The following MLLT3 variants were observed in gnomAD, a reference collection of about 807,000 sequenced individuals.
The protein encoded by MLLT3 is MLLT3 super elongation complex subunit.
MLLT3 carries 4 observed loss-of-function variants against 53.2 expected under a neutral mutation model. The ratio of observed to expected loss-of-function variants is 0.08; its 90% CI spans 0.04 to 0.17. MLLT3 has a LOEUF of 0.17. Ranked by LOEUF, MLLT3 falls within the 10% of genes least tolerant of loss-of-function variation. MLLT3 has a pLI of 1.00. For synonymous variants in MLLT3, 283 were observed against 230.6 expected, an observed-to-expected ratio of 1.23 and a Z score of -2.06; for missense variants, 569 against 684.0, an observed-to-expected ratio of 0.83 and a Z score of 1.87.
At chr9:20,569,642 C>A (rs1819477443) in intron 2 of MLLT3, among the ~76,000 whole-genome samples, 1 of 152,148 alleles carries the variant, frequency 6.6e-6, no homozygotes, top group Non-Finnish European at 1.5e-5. Context: ...CAAACAAGCA[C>A]TAGGGAAAAC....
In MLLT3 at chr9:20,562,393, A is replaced by G. The variant is rs780098927; in HGVS notation, c.193+58261T>C. Reference sequence around the variant, plus strand: ...AAAAAAAAAAGTTTAGAAATAATTTACACTTCTAGCTTTGCACCTCAAAAG... The same window carrying G: ...AAAAAAAAAAGTTTAGAAATAATTTGCACTTCTAGCTTTGCACCTCAAAAG... On this transcript the variant is annotated intron_variant, in intron 2 of 10. Transcript: ENST00000380338. 2.1e-4 allele frequency among the ~76,000 whole-genome samples: 32 copies of G among 152,276 alleles called. No homozygotes were observed. The Middle Eastern group carries it at 0.017, about 81-fold the overall frequency.
At chr9:20,432,330 T>C (rs1823292137) in intron 4 of MLLT3, among the ~76,000 whole-genome samples, 1 of 152,220 alleles carries the variant, frequency 6.6e-6, no homozygotes, top group South Asian at 2.1e-4. Flanking sequence ...ATAGTTCTAC[T>C]GACAGGAGTT....
At chr9:20,563,837 A>C (rs1819281615) in intron 2 of MLLT3, among the ~76,000 whole-genome samples, 1 of 152,188 alleles carries the variant, frequency 6.6e-6, no homozygotes, top group Non-Finnish European at 1.5e-5. Flanking sequence ...GAGTTGCAGG[A>C]ATGACAAACA....
At chr9:20,591,308 T>C (rs751206036) in intron 2 of MLLT3, among the ~76,000 whole-genome samples, 3 of 152,164 alleles carry the variant, frequency 2.0e-5, no homozygotes, top group Non-Finnish European at 4.4e-5. Context: ...CATTTAAAAA[T>C]TCACATTCCC....
At chr9:20,595,256 A>C (rs1162622406) in intron 2 of MLLT3, among the ~76,000 whole-genome samples, 1 of 152,088 alleles carries the variant, frequency 6.6e-6, no homozygotes, top group Non-Finnish European at 1.5e-5. Flanking sequence ...GGATCCAGCT[A>C]CACAAGAGGC....
At position 20,448,371 on chromosome 9, in the gene MLLT3, T is replaced by A; in HGVS notation, c.277-105A>T. On this transcript the variant is annotated intron_variant, in intron 3 of 10. Coordinates refer to ENST00000380338, the MANE Select transcript of MLLT3 (RefSeq NM_004529.4). This position sits in a 1 kb window ranked among gnomAD's most constrained non-coding sequence, Gnocchi z 4.0. ...TAAGAAATAGAAAAGAACTAAGACA[T>A]CTAACAGCTAAACTGTCAAAGTAGT... is the stretch of plus-strand genomic sequence containing the variant. 1.0e-6 allele frequency: 1 copy of A among 986,664 alleles called. No individual in the cohort carries two copies. The highest frequency in any genetic ancestry group is 1.5e-6 in the Non-Finnish European group (1 of 672,244). 61.1% of individuals were successfully genotyped at this position (986,664 alleles called of 1,614,324 possible).
intron 3 of MLLT3, among the ~76,000 whole-genome samples, chr9:20,451,273 G>C (rs1213770604): frequency 6.6e-6 from 1 of 152,110 alleles, no homozygotes; most frequent in Non-Finnish European, 1.5e-5. Context: ...ATTAAATGTA[G>C]TCAAAAGACT....
chr9:20,396,333 C>A (rs1295919995), intron 5 of MLLT3, among the ~76,000 whole-genome samples: 5 of 152,096 alleles, frequency 3.3e-5, no homozygotes, highest in Non-Finnish European at 2.9e-5. Flanking sequence ...CTGGAATTTA[C>A]AGACTACCAA....
chr9:20,585,701 T>C (rs775386048), intron 2 of MLLT3, among the ~76,000 whole-genome samples: 10 of 152,212 alleles, frequency 6.6e-5, no homozygotes, highest in African/African-American at 2.2e-4. Flanking sequence ...CATCTGTACA[T>C]TTTCTTTGGC....
At chr9:20,596,714 T>A (rs79086530) in intron 2 of MLLT3, among the ~76,000 whole-genome samples, 6,736 of 152,150 alleles carry the variant, frequency 0.044, 365 homozygotes, top group East Asian at 0.14. Context: ...ATAAATAAAA[T>A]AAAATAATAA....
chr9:20,511,553 T>C (rs1242328875), intron 2 of MLLT3, among the ~76,000 whole-genome samples: 1 of 152,146 alleles, frequency 6.6e-6, no homozygotes, highest in Admixed American at 6.5e-5. Context: ...CTATGAAGCA[T>C]CATTAAATGT....
chr9:20,414,369 G>GCTGCTGCTA lies in MLLT3; in HGVS notation c.468_476dup (p.Ser188_Ser190dup). 6 of 1,604,230 alleles carry GCTGCTGCTA rather than the reference G, an allele frequency of 3.7e-6. No individual in the cohort carries two copies. The highest frequency in any genetic ancestry group is 4.5e-5 in the East Asian group (2 of 44,760). On this transcript the variant is annotated inframe_insertion, in exon 5 of 11. Transcript: ENST00000380338. ...TACTGCTGCTGCTGCTGCTGCTGCT[G>GCTGCTGCTA]CTGCTGCTACTGCTGCTGCTGCTGC...
At chr9:20,556,660 G>C (rs531576789) in intron 2 of MLLT3, among the ~76,000 whole-genome samples, 12 of 152,196 alleles carry the variant, frequency 7.9e-5, no homozygotes, top group African/African-American at 2.9e-4. Context: ...TCCAGCCTGG[G>C]CGAAAGAGCA....
intron 2 of MLLT3, among the ~76,000 whole-genome samples, chr9:20,461,559 T>G (rs569917957): frequency 1.3e-5 from 2 of 152,006 alleles, no homozygotes; most frequent in East Asian, 3.9e-4. Context: ...ATAAATATAT[T>G]TGTGCTTATA....
At position 20,580,336 on chromosome 9, in the gene MLLT3, T is replaced by C. The variant is rs79459627; in HGVS notation, c.193+40318A>G. ...AGTGATAAGAGTCCCATCTAACACTTTGCATGTTACGTTAGTTAACTTGAC... is the reference window on the plus strand; with the variant it reads ...AGTGATAAGAGTCCCATCTAACACTCTGCATGTTACGTTAGTTAACTTGAC... On this transcript the variant is annotated intron_variant, in intron 2 of 10. Transcript: ENST00000380338. Among the ~76,000 whole-genome samples the C allele has an allele frequency of 3.3e-5, 5 of 152,314 alleles. No individual in the cohort carries two copies. In the East Asian group the frequency reaches 7.7e-4, roughly 24 times the overall value.
chr9:20,558,405 T>C (rs1279576813), intron 2 of MLLT3, among the ~76,000 whole-genome samples: 1 of 152,116 alleles, frequency 6.6e-6, no homozygotes, highest in East Asian at 1.9e-4. Flanking sequence ...CCTCCCAAAG[T>C]GCTGTGATTA....
chr9:20,350,420 C>G (rs562105227), intron 10 of MLLT3, among the ~76,000 whole-genome samples: 3 of 151,822 alleles, frequency 2.0e-5, no homozygotes, highest in East Asian at 1.9e-4. Context: ...ACGGTGAAAC[C>G]CCGTCTCTAC....
At chr9:20,494,202 T>C (rs1586993417) in intron 2 of MLLT3, among the ~76,000 whole-genome samples, 1 of 152,286 alleles carries the variant, frequency 6.6e-6, no homozygotes, top group South Asian at 2.1e-4. Flanking sequence ...TTCCTAGGAA[T>C]TCTTTTATCA....
Position 20,448,360 on chromosome 9 carries a change from G to C in MLLT3, c.277-94C>G, listed in dbSNP as rs1384352559. On this transcript the variant is annotated intron_variant, in intron 3 of 10. Transcript: ENST00000380338. This position sits in a 1 kb window ranked among gnomAD's most constrained non-coding sequence, Gnocchi z 4.0. Reference sequence around the variant, plus strand: ...TTTACTCCTCATAAGAAATAGAAAAGAACTAAGACATCTAACAGCTAAACT... The same window carrying C: ...TTTACTCCTCATAAGAAATAGAAAACAACTAAGACATCTAACAGCTAAACT... 3 of 1,147,994 alleles carry C rather than the reference G, an allele frequency of 2.6e-6. No homozygotes were observed. Among genetic ancestry groups the C allele is most frequent in the Admixed American group, 2.2e-5 (1 of 45,822 alleles). The allele number at this position is 1,147,994 out of a possible 1,614,324, so 71.1% of individuals were successfully genotyped here.
Sources: allele counts gnomAD v4.1 joint callset (sites outside exome capture counted in the v4.1 genomes callset), GRCh38; gene constraint gnomAD v4.1.1; non-coding constraint Gnocchi (gnomAD v3.1); transcripts MANE v1.5; gene names NCBI Gene and HGNC (gene_info 2026-07-23, HGNC 2026-07-21).